The following MARCHF11 variants were observed in gnomAD, a reference collection of about 807,000 sequenced individuals.
The protein encoded by MARCHF11 is membrane associated ring-CH-type finger 11.
Under a neutral mutation model 37.3 loss-of-function variants are expected in MARCHF11, and 29 were observed. The observed-to-expected ratio is 0.78, with a 90% CI of 0.58 to 1.06. The LOEUF is 1.06. Among genes scored for constraint, MARCHF11 ranks in the 50% least tolerant of loss-of-function variants. The probability of loss-of-function intolerance (pLI) is 0.00; values close to 1 mark genes in which losing one functional copy is unlikely to be tolerated. For missense variants in MARCHF11, 482 were observed against 533.4 expected, an observed-to-expected ratio of 0.90 and a Z score of 0.95; for synonymous variants, 233 against 228.0, an observed-to-expected ratio of 1.02 and a Z score of -0.20.
At chr5:16,146,230 G>C (rs1411066417) in intron 2 of MARCHF11, among the ~76,000 whole-genome samples, 1 of 152,148 alleles carries the variant, frequency 6.6e-6, no homozygotes, top group Non-Finnish European at 1.5e-5. Flanking sequence ...AAATAAAGGA[G>C]CAGGCAGTGT....
intron 3 of MARCHF11, among the ~76,000 whole-genome samples, chr5:16,087,903 T>C (rs555015696): frequency 1.3e-4 from 20 of 152,314 alleles, no homozygotes; most frequent in African/African-American, 4.3e-4. Context: ...GGCTGGATGA[T>C]AACATTTTTG....
intron 2 of MARCHF11, among the ~76,000 whole-genome samples, chr5:16,106,634 T>C (rs1373482398): frequency 2.0e-5 from 3 of 152,154 alleles, no homozygotes; most frequent in Non-Finnish European, 4.4e-5. Flanking sequence ...CCAAGGGTGA[T>C]TTTGCCCTAC....
intron 2 of MARCHF11, among the ~76,000 whole-genome samples, chr5:16,129,489 T>G (rs908996441): frequency 6.6e-6 from 1 of 152,200 alleles, no homozygotes; most frequent in Non-Finnish European, 1.5e-5. Context: ...AAATTCTTTA[T>G]TGTTAAGTCA....
chr5:16,089,738 A>C (rs1736760816), intron 3 of MARCHF11, among the ~76,000 whole-genome samples: 1 of 152,218 alleles, frequency 6.6e-6, no homozygotes, highest in Non-Finnish European at 1.5e-5. Context: ...AGTGATCTCA[A>C]AGTTATTCAA....
intron 2 of MARCHF11, among the ~76,000 whole-genome samples, chr5:16,145,924 C>T (rs1438020106): frequency 6.6e-6 from 1 of 152,122 alleles, no homozygotes. Flanking sequence ...TTTTTATGAA[C>T]TGAACCTCTG....
At chr5:16,157,978 C>T (rs1738005162) in intron 2 of MARCHF11, among the ~76,000 whole-genome samples, 1 of 151,810 alleles carries the variant, frequency 6.6e-6, no homozygotes, top group Non-Finnish European at 1.5e-5. Context: ...ATTCAAACAA[C>T]TCAATACTAA....
intron 2 of MARCHF11, among the ~76,000 whole-genome samples, chr5:16,167,738 C>T (rs1738193994): frequency 6.6e-6 from 1 of 152,034 alleles, no homozygotes; most frequent in Non-Finnish European, 1.5e-5. Context: ...TTTATTTGCT[C>T]ACTTGCTTTT....
chr5:16,119,048 A>G (rs1737267484), intron 2 of MARCHF11, among the ~76,000 whole-genome samples: 2 of 152,126 alleles, frequency 1.3e-5, no homozygotes. Context: ...AAATAATCCA[A>G]TAGCGAGAGA....
intron 2 of MARCHF11, among the ~76,000 whole-genome samples, chr5:16,123,127 C>T (rs66948406): frequency 0.23 from 34,328 of 152,020 alleles, 4,093 homozygotes; most frequent in South Asian, 0.31. Flanking sequence ...ATTTATTGCC[C>T]GCATACAGTA....
chr5:16,105,789 T>G (rs928875102), intron 2 of MARCHF11, among the ~76,000 whole-genome samples: 65 of 152,196 alleles, frequency 4.3e-4, no homozygotes, highest in African/African-American at 1.5e-3. Flanking sequence ...TTTTTTTTTG[T>G]TTTGTTTTTT....
At position 16,135,866 on chromosome 5, in the gene MARCHF11, A is replaced by C. The variant is rs146503364; in HGVS notation, c.693+41860T>G. On this transcript the variant is annotated intron_variant, in intron 2 of 3. Coordinates refer to ENST00000332432, the MANE Select transcript of MARCHF11 (RefSeq NM_001102562.3). ...AAAGAAAGGAAGGCGGGAAGGGAGG[A>C]AGTGAAAGAGATTTAAAAAAAAAAA... Among the ~76,000 whole-genome samples the C allele has an allele frequency of 4.1e-4, 59 of 143,544 alleles. 1 individual carries two copies. The East Asian group carries it at 0.012, about 30-fold the overall frequency. 94.2% of individuals were successfully genotyped at this position (143,544 alleles called of 152,430 possible). A position where few individuals can be genotyped will look rare whatever the true frequency, so the allele number is the denominator to read the frequency against.
rs75850148 is a variant in MARCHF11, at chr5:16,116,095, C to T, written c.694-25014G>A. Among the ~76,000 whole-genome samples, 126 of 152,218 alleles carry T rather than the reference C, an allele frequency of 8.3e-4. 3 individuals carry two copies. In the East Asian group the frequency reaches 0.021, roughly 25 times the overall value. ...CATGAATGTACTTATTTATGACCAC[C>T]AGAAGATACACTGCAGGTAACAAAG... On this transcript the variant is annotated intron_variant, in intron 2 of 3. Coordinates refer to ENST00000332432, the MANE Select transcript of MARCHF11 (RefSeq NM_001102562.3).
chr5:16,119,247 C>T (rs994329385), intron 2 of MARCHF11, among the ~76,000 whole-genome samples: 1 of 151,936 alleles, frequency 6.6e-6, no homozygotes, highest in African/African-American at 2.4e-5. Flanking sequence ...CCTGTAATTG[C>T]ACCTGCTCGG....
chr5:16,168,491 G>T (rs1167514912), intron 2 of MARCHF11, among the ~76,000 whole-genome samples: 1 of 152,108 alleles, frequency 6.6e-6, no homozygotes, highest in African/African-American at 2.4e-5. Flanking sequence ...AGAAGCGATG[G>T]TAGTATGACT....
intron 2 of MARCHF11, among the ~76,000 whole-genome samples, chr5:16,168,360 C>T (rs997352041): frequency 1.3e-5 from 2 of 152,074 alleles, no homozygotes; most frequent in African/African-American, 4.8e-5. Context: ...ATGTCACCCA[C>T]AGCTACCCAA....
chr5:16,177,437 A>C (rs1396189592), intron 2 of MARCHF11, among the ~76,000 whole-genome samples: 1 of 152,214 alleles, frequency 6.6e-6, no homozygotes, highest in Non-Finnish European at 1.5e-5. Flanking sequence ...AGTGTGGTAC[A>C]AGTCATTTTA....
intron 3 of MARCHF11, among the ~76,000 whole-genome samples, chr5:16,077,925 T>C (rs879300266): frequency 2.0e-5 from 3 of 152,246 alleles, no homozygotes; most frequent in Non-Finnish European, 4.4e-5. Context: ...ATGAATACTT[T>C]GGGCTTTCAA....
rs578179125 is a variant in MARCHF11, at chr5:16,082,451, C to T, written c.886+8438G>A. Among the ~76,000 whole-genome samples, 4 of 152,244 alleles carry T rather than the reference C, an allele frequency of 2.6e-5. No individual in the cohort carries two copies. The South Asian group carries it at 8.3e-4, about 32-fold the overall frequency. On this transcript the variant is annotated intron_variant, in intron 3 of 3. Transcript: ENST00000332432. ...TGTGAGTAACAGACACCAGGCACGGCCAACCTCACAGCCCAGGGCTCCTCC... is the reference window on the plus strand; with the variant it reads ...TGTGAGTAACAGACACCAGGCACGGTCAACCTCACAGCCCAGGGCTCCTCC...
Position 16,179,643 on chromosome 5 carries a change from G to A in MARCHF11, c.-68C>T. 1.9e-6 allele frequency: 2 copies of A among 1,078,634 alleles called. No homozygotes were observed. Among genetic ancestry groups the A allele is most frequent in the East Asian group, 5.1e-5 (1 of 19,662 alleles). The allele number at this position is 1,078,634 out of a possible 1,614,324, so 66.8% of individuals were successfully genotyped here. ...CGGGCTCTGGCTGCAGGGAAAGAGAGCGCGGAGGGGGCGGGAGGGAGAGGG... is the reference window on the plus strand; with the variant it reads ...CGGGCTCTGGCTGCAGGGAAAGAGAACGCGGAGGGGGCGGGAGGGAGAGGG... On this transcript the variant is annotated 5_prime_UTR_variant, in exon 1 of 4. Coordinates refer to ENST00000332432, the MANE Select transcript of MARCHF11 (RefSeq NM_001102562.3).
Sources: gnomAD v4.1 joint callset for allele counts (sites outside exome capture counted in the v4.1 genomes callset) on GRCh38, gnomAD v4.1.1 for gene constraint, MANE v1.5 for transcripts, NCBI Gene and HGNC (gene_info 2026-07-23, HGNC 2026-07-21) for gene names.